The following TASP1 variants were observed in gnomAD, a reference collection of about 807,000 sequenced individuals.
TASP1 encodes the protein taspase 1.
A neutral mutation model predicts 56.6 loss-of-function variants in TASP1; 16 were observed. That is an observed-to-expected ratio of 0.28 (90% CI 0.19 to 0.43). The LOEUF is 0.43. Ranked by LOEUF, TASP1 falls within the 20% of genes least tolerant of loss-of-function variation. TASP1 has a pLI of 1.00. For missense variants in TASP1, 393 were observed against 511.6 expected, an observed-to-expected ratio of 0.77 and a Z score of 2.24; for synonymous variants, 179 against 184.2, an observed-to-expected ratio of 0.97 and a Z score of 0.23.
In TASP1 at chr20:13,519,508, C is replaced by A. The variant is rs151257185; in HGVS notation, c.874+8925G>T. ...ATGTAATCCAGCATATAAACAGAAC[C>A]AATGACAAAAACCATATGATTATCC... On this transcript the variant is annotated intron_variant, in intron 10 of 13. Transcript: ENST00000337743. 5.1e-3 allele frequency among the ~76,000 whole-genome samples: 779 copies of A among 152,226 alleles called. 4 individuals carry two copies. The highest frequency in any genetic ancestry group is 0.012 in the East Asian group (60 of 5,174).
At chr20:13,176,855 G>A in the TASP1 span, among the ~76,000 whole-genome samples, 5 of 152,188 alleles carry the variant, frequency 3.3e-5, no homozygotes, top group African/African-American at 7.2e-5. Flanking sequence ...TTTATCCCAC[G>A]TACAATCGCT....
At chr20:13,506,188 T>C (rs2044124960) in intron 10 of TASP1, among the ~76,000 whole-genome samples, 1 of 151,492 alleles carries the variant, frequency 6.6e-6, no homozygotes, top group Non-Finnish European at 1.5e-5. Context: ...TCTACCAACA[T>C]TGAATCATGA....
intron 8 of TASP1, among the ~76,000 whole-genome samples, chr20:13,557,775 T>C (rs1382347342): frequency 6.6e-6 from 1 of 151,770 alleles, no homozygotes; most frequent in Admixed American, 6.6e-5. Flanking sequence ...GTTTTCCTTG[T>C]TGCCCATGAT....
chr20:13,506,064 C>T (rs1424442389), intron 10 of TASP1, among the ~76,000 whole-genome samples: 2 of 151,872 alleles, frequency 1.3e-5, no homozygotes, highest in Admixed American at 6.6e-5. Flanking sequence ...AAAAAAGACA[C>T]ATTACAACTG....
intron 13 of TASP1, among the ~76,000 whole-genome samples, chr20:13,398,038 A>G (rs1048510427): frequency 3.3e-5 from 5 of 152,162 alleles, no homozygotes; most frequent in Non-Finnish European, 7.4e-5. Context: ...AAGCTGCCAG[A>G]TAACATGAAT....
At chr20:13,330,537 G>T in the TASP1 span, among the ~76,000 whole-genome samples, 1 of 152,064 alleles carries the variant, frequency 6.6e-6, no homozygotes, top group Non-Finnish European at 1.5e-5. Context: ...ATAAAAAATT[G>T]GAAAGCTTTG....
chr20:13,441,459 C>G (rs564144276), intron 11 of TASP1, among the ~76,000 whole-genome samples: 1 of 152,200 alleles, frequency 6.6e-6, no homozygotes, highest in South Asian at 2.1e-4. Flanking sequence ...TGGGGCTGAG[C>G]CTTGTCTACA....
chr20:13,459,117 A>T (rs6109895), intron 11 of TASP1, among the ~76,000 whole-genome samples: 8,920 of 152,074 alleles, frequency 0.059, 372 homozygotes, highest in African/African-American at 0.12. Flanking sequence ...CTGTCATAAT[A>T]CCTAGTTGAC....
intron 1 of TASP1, among the ~76,000 whole-genome samples, chr20:13,633,105 G>A (rs1052834974): frequency 1.7e-4 from 26 of 152,042 alleles, no homozygotes; most frequent in African/African-American, 4.1e-4. Context: ...GATATAGCCC[G>A]AAAAATGTCT....
chr20:13,309,237 A>C, the TASP1 span, among the ~76,000 whole-genome samples: 1 of 152,102 alleles, frequency 6.6e-6, no homozygotes, highest in African/African-American at 2.4e-5. Context: ...GATGAATGAC[A>C]GTGAGTGGGT....
rs983861356 is a variant in TASP1 at position 13,550,183 on chromosome 20, C to G, written c.675+8825G>C. The stretch of plus-strand genomic sequence containing the variant: ...ACACACACACACACACACACACACA[C>G]ACAGAGACACTGCAATTGTCCAGTC... On this transcript the variant is annotated intron_variant, in intron 8 of 13. Transcript: ENST00000337743. 2.0e-5 allele frequency among the ~76,000 whole-genome samples: 3 copies of G among 150,514 alleles called. No individual in the cohort carries two copies. In the East Asian group the frequency reaches 5.9e-4, roughly 29 times the overall value.
chr20:13,353,132 A>G, the TASP1 span, among the ~76,000 whole-genome samples: 1 of 152,004 alleles, frequency 6.6e-6, no homozygotes, highest in African/African-American at 2.4e-5. Context: ...ACTACTCAGG[A>G]GGCTGAGGCA....
intron 4 of TASP1, among the ~76,000 whole-genome samples, chr20:13,604,176 G>A (rs1007912660): frequency 9.2e-5 from 14 of 152,258 alleles, no homozygotes; most frequent in Admixed American, 5.9e-4. Context: ...CAGTTGACAT[G>A]GTCTGGATGT....
intron 10 of TASP1, among the ~76,000 whole-genome samples, chr20:13,526,742 C>G (rs999870759): frequency 6.6e-6 from 1 of 151,960 alleles, no homozygotes; most frequent in East Asian, 1.9e-4. Context: ...TCTGAAAGAA[C>G]AGAGTCAGGA....
chr20:13,605,106 C>G (rs1016384810), intron 4 of TASP1, among the ~76,000 whole-genome samples: 2 of 151,258 alleles, frequency 1.3e-5, no homozygotes, highest in Non-Finnish European at 2.9e-5. Flanking sequence ...TTCTATAATT[C>G]TATTTAGAAT....
At chr20:13,517,646 G>C (rs1246759829) in intron 10 of TASP1, among the ~76,000 whole-genome samples, 1 of 152,016 alleles carries the variant, frequency 6.6e-6, no homozygotes, top group Non-Finnish European at 1.5e-5. Flanking sequence ...TAAGATACAA[G>C]TAACATGTCG....
chr20:13,442,605 G>A (rs1306908036), intron 11 of TASP1, among the ~76,000 whole-genome samples: 4 of 151,076 alleles, frequency 2.6e-5, no homozygotes, highest in African/African-American at 7.4e-5. Flanking sequence ...TCGTGCCCCC[G>A]CCCTCCAGCC....
the TASP1 span, among the ~76,000 whole-genome samples, chr20:13,336,748 A>ATT: frequency 4.7e-5 from 7 of 150,536 alleles, no homozygotes; most frequent in Admixed American, 2.0e-4. Context: ...AAAAAGTGAG[A>ATT]TTTTTTTTTT....
At chr20:13,329,383 C>T in the TASP1 span, among the ~76,000 whole-genome samples, 1 of 152,140 alleles carries the variant, frequency 6.6e-6, no homozygotes, top group Non-Finnish European at 1.5e-5. Context: ...AGAAGACAGC[C>T]ATCTACGAAT....
Sources: allele counts gnomAD v4.1 joint callset (sites outside exome capture counted in the v4.1 genomes callset), GRCh38; gene constraint gnomAD v4.1.1; transcripts MANE v1.5; gene names NCBI Gene and HGNC (gene_info 2026-07-23, HGNC 2026-07-21).